The following CSMD1 variants were observed in gnomAD, a reference collection of about 807,000 sequenced individuals.
CSMD1 encodes the protein CUB and Sushi multiple domains 1.
In CSMD1, 213 loss-of-function variants were observed where a neutral mutation model predicts 417.5. The ratio of observed to expected loss-of-function variants is 0.51; its 90% CI spans 0.46 to 0.57. The LOEUF (loss-of-function observed/expected upper bound fraction) is 0.57. Among genes scored for constraint, CSMD1 ranks in the 20% least tolerant of loss-of-function variants. The pLI is 0.00. For missense variants in CSMD1, 6,923 were observed against 4,529.7 expected, an observed-to-expected ratio of 1.53 and a Z score of -15.17; for synonymous variants, 2,862 against 1,736.8, an observed-to-expected ratio of 1.65 and a Z score of -16.11.
chr8:4,812,604 T>A (rs7819257), intron 1 of CSMD1, among the ~76,000 whole-genome samples: 140,249 of 152,036 alleles, frequency 0.92, 65,015 homozygotes, highest in Non-Finnish European at 0.98. Context: ...AAGCTTTTTT[T>A]AAAAAAACCT....
intron 54 of CSMD1, among the ~76,000 whole-genome samples, chr8:2,980,095 C>T (rs1181034282): frequency 6.6e-6 from 1 of 152,164 alleles, no homozygotes; most frequent in Admixed American, 6.5e-5. Flanking sequence ...ACGGACAGTC[C>T]CGGGCTGGAA....
In CSMD1 at chr8:4,090,437, T is replaced by A. The variant is rs568769851; in HGVS notation, c.416-58338A>T. 9.8e-5 allele frequency among the ~76,000 whole-genome samples: 15 copies of A among 152,312 alleles called. No homozygotes were observed. The East Asian group carries it at 2.3e-3, about 23-fold the overall frequency. On this transcript the variant is annotated intron_variant, in intron 3 of 69. Transcript: ENST00000635120. Reference sequence around the variant, plus strand: ...CTAGTCTTGATTGGACGTGTTTAATTTTTTTAAGAAAATACATGGGAAGGT... The same window carrying A: ...CTAGTCTTGATTGGACGTGTTTAATATTTTTAAGAAAATACATGGGAAGGT...
At chr8:4,212,835 A>C (rs1475478734) in intron 3 of CSMD1, among the ~76,000 whole-genome samples, 2 of 146,058 alleles carry the variant, frequency 1.4e-5, no homozygotes, top group Non-Finnish European at 3.0e-5. Context: ...GGCATTTGGG[A>C]AACACCCTTC....
chr8:3,181,432 G>A (rs865955158), intron 36 of CSMD1, among the ~76,000 whole-genome samples: 1 of 152,142 alleles, frequency 6.6e-6, no homozygotes, highest in African/African-American at 2.4e-5. Flanking sequence ...TGCTCAAGTC[G>A]ATGTGACACC....
chr8:3,178,949 T>TA (rs1491334697), intron 37 of CSMD1, among the ~76,000 whole-genome samples: 1 of 54,726 alleles, frequency 1.8e-5, no homozygotes, highest in African/African-American at 1.1e-4. Flanking sequence ...TCTATATTTC[T>TA]TTTTTTTTTT....
chr8:4,987,608 T>C (rs1433081838), intron 1 of CSMD1, among the ~76,000 whole-genome samples: 1 of 152,214 alleles, frequency 6.6e-6, no homozygotes, highest in Admixed American at 6.5e-5. Context: ...ACTGATATTT[T>C]ATATAATATA....
intron 7 of CSMD1, among the ~76,000 whole-genome samples, chr8:3,648,990 T>C (rs1797715079): frequency 6.6e-6 from 1 of 152,190 alleles, no homozygotes; most frequent in East Asian, 1.9e-4. Context: ...GAGATTCTCT[T>C]TGCGTCCAGC....
rs564147947 is a variant in CSMD1, at chr8:3,661,534, T to C, written c.1010-44737A>G. Among the ~76,000 whole-genome samples the C allele has an allele frequency of 3.3e-5, 5 of 151,884 alleles. No homozygotes were observed. The South Asian group carries it at 1.0e-3, about 32-fold the overall frequency. On this transcript the variant is annotated intron_variant, in intron 7 of 69. Coordinates refer to ENST00000635120, the MANE Select transcript of CSMD1 (RefSeq NM_033225.6). ...TTTTTTGAGACTGAGTCCCACTTTATCACCCAGGCTGCAGTGCGGTGGCAC... is the reference window on the plus strand; with the variant it reads ...TTTTTTGAGACTGAGTCCCACTTTACCACCCAGGCTGCAGTGCGGTGGCAC...
intron 1 of CSMD1, among the ~76,000 whole-genome samples, chr8:4,874,979 C>A (rs980289114): frequency 3.3e-5 from 5 of 149,838 alleles, no homozygotes; most frequent in African/African-American, 1.2e-4. Context: ...CCTTTATTTC[C>A]TTCTTTCCCT....
chr8:3,187,836 G>T (rs765799573), intron 36 of CSMD1, 33 bp downstream of exon 36: 28 of 1,526,114 alleles, frequency 1.8e-5, no homozygotes, highest in Admixed American at 1.5e-4. Context: ...CAGATTTTGA[G>T]TCACACAGGT....
chr8:4,802,917 G>T (rs1049126884), intron 1 of CSMD1, among the ~76,000 whole-genome samples: 2 of 152,158 alleles, frequency 1.3e-5, no homozygotes, highest in African/African-American at 4.8e-5. Context: ...TTAACCACTG[G>T]AGAGAGGCAG....
intron 5 of CSMD1, among the ~76,000 whole-genome samples, chr8:3,957,603 G>T (rs796851270): frequency 1.3e-5 from 2 of 152,120 alleles, no homozygotes; most frequent in African/African-American, 4.8e-5. Flanking sequence ...CAGATGGCTT[G>T]ATCTCAGGAG....
chr8:3,749,713 G>A (rs148042479), intron 6 of CSMD1, among the ~76,000 whole-genome samples: 39 of 152,224 alleles, frequency 2.6e-4, no homozygotes, highest in African/African-American at 7.0e-4. Context: ...TCATATAAAC[G>A]AATCATACGG....
At chr8:3,100,144 C>T (rs1237208008) in intron 46 of CSMD1, among the ~76,000 whole-genome samples, 3 of 152,110 alleles carry the variant, frequency 2.0e-5, no homozygotes, top group Non-Finnish European at 4.4e-5. Flanking sequence ...CTTGACCTCC[C>T]AGGCTCAAAC....
intron 51 of CSMD1, among the ~76,000 whole-genome samples, chr8:3,019,864 A>C (rs551969274): frequency 6.6e-6 from 1 of 152,374 alleles, no homozygotes; most frequent in African/African-American, 2.4e-5. Flanking sequence ...AAGGTTATCC[A>C]GCCCAACCTA....
intron 3 of CSMD1, among the ~76,000 whole-genome samples, chr8:4,033,993 G>A (rs779224233): frequency 3.3e-5 from 5 of 152,150 alleles, no homozygotes; most frequent in African/African-American, 9.7e-5. Flanking sequence ...CTTACTAGTA[G>A]AGAAATACAA....
At chr8:4,700,513 A>T (rs1163584079) in intron 1 of CSMD1, among the ~76,000 whole-genome samples, 1 of 152,172 alleles carries the variant, frequency 6.6e-6, no homozygotes, top group Non-Finnish European at 1.5e-5. Context: ...TGTTACAATG[A>T]AAAGGTGTCT....
At chr8:3,154,760 T>A (rs1019595083) in intron 39 of CSMD1, among the ~76,000 whole-genome samples, 1 of 152,190 alleles carries the variant, frequency 6.6e-6, no homozygotes, top group Non-Finnish European at 1.5e-5. Flanking sequence ...CACTGCTTGA[T>A]ATATTAACCT....
At chr8:3,214,044 C>T (rs1797756352) in intron 30 of CSMD1, among the ~76,000 whole-genome samples, 1 of 151,924 alleles carries the variant, frequency 6.6e-6, no homozygotes, top group African/African-American at 2.4e-5. Flanking sequence ...CAGGGTTTCA[C>T]CATCTTGGCC....
Sources: gnomAD v4.1 joint callset for allele counts (sites outside exome capture counted in the v4.1 genomes callset) on GRCh38, gnomAD v4.1.1 for gene constraint, MANE v1.5 for transcripts, NCBI Gene and HGNC (gene_info 2026-07-23, HGNC 2026-07-21) for gene names.